The following NXN variants were observed in gnomAD, a reference collection of about 807,000 sequenced individuals.
NXN encodes the protein nucleoredoxin 1.
NXN carries 16 observed loss-of-function variants against 48.6 expected under a neutral mutation model. The observed-to-expected ratio is 0.33, with a 90% confidence interval of 0.22 to 0.50. The LOEUF is 0.50. Ranked by LOEUF, NXN falls within the 20% of genes least tolerant of loss-of-function variation. The pLI, the probability that NXN is intolerant of heterozygous loss-of-function variation, is 0.98. For missense variants in NXN, 492 were observed against 605.5 expected (o/e 0.81, Z 1.97); for synonymous variants, 281 against 269.6 (o/e 1.04, Z -0.41).
chr17:884,758 G>A (rs939947372), intron 1 of NXN, among the ~76,000 whole-genome samples: 4 of 152,158 alleles, frequency 2.6e-5, no homozygotes, highest in Non-Finnish European at 5.9e-5. Flanking sequence ...ACGGTCCCTC[G>A]GGAATTAATA....
chr17:812,028 C>T (rs958537212), intron 5 of NXN, among the ~76,000 whole-genome samples: 13 of 150,238 alleles, frequency 8.7e-5, no homozygotes, highest in African/African-American at 2.2e-4. Flanking sequence ...CCCGGGTTCA[C>T]GCCATTCTCC....
intron 1 of NXN, chr17:896,785 A>G (rs1446205599): frequency 2.0e-6 from 2 of 977,108 alleles, no homozygotes; most frequent in Non-Finnish European, 2.6e-6. Flanking sequence ...AAGCTTCCCT[A>G]AATTCTCTAC....
chr17:947,920 G>A (rs765480169), intron 1 of NXN, among the ~76,000 whole-genome samples: 39 of 146,260 alleles, frequency 2.7e-4, no homozygotes, highest in Non-Finnish European at 2.6e-4. Context: ...ATGTGGCAGC[G>A]TGCGCCTGTA....
At chr17:817,808 C>T (rs369693167) in intron 5 of NXN, among the ~76,000 whole-genome samples, 7 of 152,104 alleles carry the variant, frequency 4.6e-5, no homozygotes, top group East Asian at 1.9e-4. Flanking sequence ...TATCTGTTTA[C>T]AGCTGACAAG....
chr17:899,250 A>G (rs2068515477), intron 1 of NXN, among the ~76,000 whole-genome samples: 1 of 151,758 alleles, frequency 6.6e-6, no homozygotes. Flanking sequence ...GAGCCACCGC[A>G]CCCCGGCCTG....
At chr17:915,530 CT>C (rs1184926310) in intron 1 of NXN, among the ~76,000 whole-genome samples, 7 of 152,114 alleles carry the variant, frequency 4.6e-5, no homozygotes, top group Non-Finnish European at 8.8e-5. Flanking sequence ...GGCAATCAAC[CT>C]GCCTCAGCCT....
chr17:807,849 G>A (rs78772269), intron 5 of NXN, among the ~76,000 whole-genome samples: 2,076 of 152,368 alleles, frequency 0.014, 119 homozygotes, highest in Admixed American at 0.09. Context: ...AACCAGGGGC[G>A]GGAAACGGAA....
intron 1 of NXN, among the ~76,000 whole-genome samples, chr17:940,692 G>A (rs1236259447): frequency 6.6e-6 from 1 of 151,574 alleles, no homozygotes; most frequent in East Asian, 1.9e-4. Flanking sequence ...AAGATTCCAG[G>A]GTGCAGCCAT....
intron 1 of NXN, among the ~76,000 whole-genome samples, chr17:921,169 AG>A (rs1392864028): frequency 1.3e-5 from 2 of 152,266 alleles, no homozygotes; most frequent in South Asian, 2.1e-4. Context: ...GCTGGCACAC[AG>A]GGGAGCCCCT....
At chr17:817,536 G>A (rs1912546327) in intron 5 of NXN, among the ~76,000 whole-genome samples, 1 of 152,074 alleles carries the variant, frequency 6.6e-6, no homozygotes, top group East Asian at 1.9e-4. Flanking sequence ...CGGGCGTGTG[G>A]TGGGTGCCTG....
rs781376999 is a variant in NXN at position 843,006 on chromosome 17, G to GAGAAAGAAAGAAAGAA, written c.361-16944_361-16929dup. Reference sequence around the variant, plus strand: ...AGAGAAAGAGAGAAAGAGAGAAAGAGAGAAAGAAAGAAAGAAAGAAAGAAA... The same window carrying GAGAAAGAAAGAAAGAA: ...AGAGAAAGAGAGAAAGAGAGAAAGAGAGAAAGAAAGAAAGAAAGAAAGAAAGAAAGAAAGAAAGAAA... On this transcript the variant is annotated intron_variant, in intron 1 of 7. Coordinates refer to ENST00000336868, the MANE Select transcript of NXN (RefSeq NM_022463.5). Among the ~76,000 whole-genome samples, 240 of 96,054 alleles carry GAGAAAGAAAGAAAGAA rather than the reference G, an allele frequency of 2.5e-3. 2 individuals are homozygous for GAGAAAGAAAGAAAGAA. Among genetic ancestry groups the GAGAAAGAAAGAAAGAA allele is most frequent in the South Asian group, 5.9e-3 (15 of 2,564 alleles). The allele number at this position is 96,054 out of a possible 152,430, so 63.0% of individuals were successfully genotyped here.
In NXN at chr17:881,109, GTCA is replaced by G. The variant is rs536746675; in HGVS notation, c.361-55034_361-55032del. ...ACAGCCAGTAAGAATATGCAAAGGT[GTCA>G]TCAAGGAAATGCAAATTAAAATGAT... On this transcript the variant is annotated intron_variant, in intron 1 of 7. Transcript: ENST00000336868. 8.5e-5 allele frequency among the ~76,000 whole-genome samples: 13 copies of G among 152,296 alleles called. No homozygotes were observed. In the South Asian group the frequency reaches 2.7e-3, roughly 32 times the overall value.
At chr17:854,542 C>G (rs2144759415) in intron 1 of NXN, among the ~76,000 whole-genome samples, 1 of 151,486 alleles carries the variant, frequency 6.6e-6, no homozygotes, top group East Asian at 1.9e-4. Context: ...GTAGTCCCAG[C>G]TACTTGGGAG....
intron 1 of NXN, among the ~76,000 whole-genome samples, chr17:940,581 T>C (rs954715291): frequency 1.3e-5 from 2 of 152,202 alleles, no homozygotes; most frequent in Admixed American, 6.5e-5. Flanking sequence ...ACGGCATGCC[T>C]CATCTCACAA....
At chr17:895,208 G>T (rs2068465263) in intron 1 of NXN, among the ~76,000 whole-genome samples, 1 of 150,844 alleles carries the variant, frequency 6.6e-6, no homozygotes, top group African/African-American at 2.4e-5. Context: ...GTAGAGACGG[G>T]GCTTCACCAT....
At chr17:972,949 G>T (rs2586259) in intron 1 of NXN, among the ~76,000 whole-genome samples, 38,877 of 151,222 alleles carry the variant, frequency 0.26, 7,599 homozygotes, top group African/African-American at 0.54. Context: ...GAGAATGGCA[G>T]GAACCCGGGA....
intron 1 of NXN, among the ~76,000 whole-genome samples, chr17:826,841 G>C (rs115691910): frequency 0.013 from 2,040 of 152,336 alleles, 35 homozygotes; most frequent in African/African-American, 0.046. Context: ...AGATTCTTGA[G>C]GTTGGCTGTG....
At chr17:841,428 A>ACGCCGGCGAGCAGGTCCTCCCGAC (rs1914208325) in intron 1 of NXN, among the ~76,000 whole-genome samples, 1 of 123,180 alleles carries the variant, frequency 8.1e-6, no homozygotes, top group South Asian at 2.6e-4. Flanking sequence ...GGCGCATCTC[A>ACGCCGGCGAGCAGGTCCTCCCGAC]CACGGGCGAG....
chr17:912,933 G>T (rs749275504), intron 1 of NXN, among the ~76,000 whole-genome samples: 33 of 151,952 alleles, frequency 2.2e-4, no homozygotes, highest in Non-Finnish European at 3.8e-4. Flanking sequence ...CAGCCTGGGC[G>T]ACAGAGTGAA....
Sources: gnomAD v4.1 joint callset for allele counts (sites outside exome capture counted in the v4.1 genomes callset) on GRCh38, gnomAD v4.1.1 for gene constraint, MANE v1.5 for transcripts, NCBI Gene and HGNC (gene_info 2026-07-23, HGNC 2026-07-21) for gene names.